Variants in CACNG2 observed in about 807,000 individuals in gnomAD.
CACNG2 encodes calcium voltage-gated channel auxiliary subunit gamma 2.
A neutral mutation model predicts 25.9 loss-of-function variants in CACNG2; 3 were observed. That is an observed-to-expected ratio of 0.12 (90% CI 0.05 to 0.30). The LOEUF (loss-of-function observed/expected upper bound fraction) is 0.30. Ranked by LOEUF, CACNG2 falls within the 10% of genes least tolerant of loss-of-function variation. The pLI, the probability that CACNG2 is intolerant of heterozygous loss-of-function variation, is 1.00. For synonymous variants in CACNG2, 167 were observed against 173.3 expected (o/e 0.96, Z 0.29); for missense variants, 341 against 432.5 (o/e 0.79, Z 1.88).
intron 1 of CACNG2, among the ~76,000 whole-genome samples, chr22:36,674,934 G>A (rs145573905): frequency 1.3e-5 from 2 of 152,356 alleles, no homozygotes; most frequent in East Asian, 3.9e-4. Flanking sequence ...AAGGATTGTT[G>A]TGAAGATTAA....
chr22:36,599,662 T>C lies in CACNG2; in HGVS notation c.212-12114A>G, dbSNP rs184107584. Reference sequence around the variant, plus strand: ...CTGCAGTGAGCCATGATCATGCTACTGCACTCCAGTTTGTGTGACAGAGGA... The same window carrying C: ...CTGCAGTGAGCCATGATCATGCTACCGCACTCCAGTTTGTGTGACAGAGGA... On this transcript the variant is annotated intron_variant, in intron 1 of 3. Coordinates refer to ENST00000300105, the MANE Select transcript of CACNG2 (RefSeq NM_006078.5). Among the ~76,000 whole-genome samples, 12 of 152,232 alleles carry C rather than the reference T, an allele frequency of 7.9e-5. No homozygotes were observed. In the East Asian group the frequency reaches 2.1e-3, roughly 27 times the overall value.
chr22:36,587,251 G>A (rs535025438), intron 2 of CACNG2, among the ~76,000 whole-genome samples: 1 of 152,288 alleles, frequency 6.6e-6, no homozygotes, highest in South Asian at 2.1e-4. Context: ...GACTGAGTAG[G>A]AGTTTGCCAG....
At chr22:36,618,353 G>A (rs1936053695) in intron 1 of CACNG2, among the ~76,000 whole-genome samples, 2 of 151,882 alleles carry the variant, frequency 1.3e-5, no homozygotes, top group South Asian at 2.1e-4. Flanking sequence ...GCCCCAGTCT[G>A]CTGCCAGGTC....
chr22:36,596,107 G>C (rs1391045136), intron 1 of CACNG2, among the ~76,000 whole-genome samples: 2 of 152,250 alleles, frequency 1.3e-5, no homozygotes, highest in African/African-American at 4.8e-5. Context: ...GAAGCTGAAA[G>C]AGCAGCTCTG....
intron 1 of CACNG2, among the ~76,000 whole-genome samples, chr22:36,657,105 G>T (rs1936718579): frequency 6.6e-6 from 1 of 152,190 alleles, no homozygotes; most frequent in African/African-American, 2.4e-5. Flanking sequence ...TAGTGGTTGG[G>T]TTGCTTCCAT....
intron 1 of CACNG2, among the ~76,000 whole-genome samples, chr22:36,684,389 G>A (rs1039221272): frequency 3.9e-5 from 6 of 152,052 alleles, no homozygotes; most frequent in African/African-American, 9.7e-5. Flanking sequence ...GCCGAGGTGG[G>A]TGGATCCCTT....
chr22:36,583,533 T>A (rs1476942515), intron 2 of CACNG2, among the ~76,000 whole-genome samples: 1 of 152,110 alleles, frequency 6.6e-6, no homozygotes, highest in East Asian at 1.9e-4. Context: ...TGGGTTGGAA[T>A]CTGCTTTTTG....
At chr22:36,592,672 G>T (rs2145925829) in intron 1 of CACNG2, among the ~76,000 whole-genome samples, 1 of 152,300 alleles carries the variant, frequency 6.6e-6, no homozygotes, top group African/African-American at 2.4e-5. Context: ...GTGATCTTTT[G>T]ATGATGAGGC....
intron 1 of CACNG2, among the ~76,000 whole-genome samples, chr22:36,653,547 C>T (rs1322781921): frequency 1.6e-5 from 2 of 126,888 alleles, no homozygotes; most frequent in Admixed American, 7.0e-5. Flanking sequence ...CAGGCACCTG[C>T]CTGGCTGCTC....
intron 1 of CACNG2, among the ~76,000 whole-genome samples, chr22:36,627,279 C>CGTGTGT (rs58015913): frequency 0.035 from 4,629 of 131,138 alleles, 106 homozygotes; most frequent in Middle Eastern, 0.094. Flanking sequence ...AGAGTGGGGA[C>CGTGTGT]GTGTGTGTGT....
chr22:36,596,116 T>G (rs1397587851), intron 1 of CACNG2, among the ~76,000 whole-genome samples: 1 of 152,256 alleles, frequency 6.6e-6, no homozygotes, highest in African/African-American at 2.4e-5. Flanking sequence ...AGAGCAGCTC[T>G]GGAGCCAGGA....
chr22:36,654,444 C>T (rs1430286285), intron 1 of CACNG2, among the ~76,000 whole-genome samples: 1 of 151,884 alleles, frequency 6.6e-6, no homozygotes, highest in African/African-American at 2.4e-5. Context: ...GTTGCACAGT[C>T]TGGTCTTGAA....
At chr22:36,619,993 G>A (rs1266028652) in intron 1 of CACNG2, among the ~76,000 whole-genome samples, 2 of 152,250 alleles carry the variant, frequency 1.3e-5, no homozygotes, top group African/African-American at 2.4e-5. Context: ...CAGCCGTGCT[G>A]GGTTGGAAGG....
intron 1 of CACNG2, among the ~76,000 whole-genome samples, chr22:36,605,637 A>G (rs947603599): frequency 2.6e-5 from 4 of 152,156 alleles, no homozygotes; most frequent in African/African-American, 9.7e-5. Flanking sequence ...TCTGTCATAG[A>G]GTTGTGAGAA....
chr22:36,584,474 G>C (rs1935468504), intron 2 of CACNG2: 1 of 152,278 alleles, frequency 6.6e-6, no homozygotes, highest in Non-Finnish European at 1.5e-5. Context: ...AGGGTGCAGA[G>C]GGCAGGGACA....
chr22:36,679,340 G>A (rs559742283), intron 1 of CACNG2, among the ~76,000 whole-genome samples: 2 of 152,046 alleles, frequency 1.3e-5, no homozygotes, highest in Non-Finnish European at 2.9e-5. Context: ...ACATGGGCAG[G>A]AGCAAATGTA....
intron 1 of CACNG2, among the ~76,000 whole-genome samples, chr22:36,589,610 C>T (rs977064763): frequency 6.6e-6 from 1 of 152,174 alleles, no homozygotes; most frequent in Non-Finnish European, 1.5e-5. Context: ...AACAATTCCC[C>T]AGACCATATC....
intron 1 of CACNG2, among the ~76,000 whole-genome samples, chr22:36,614,806 C>T (rs962431912): frequency 5.3e-5 from 8 of 152,182 alleles, no homozygotes; most frequent in Admixed American, 1.3e-4. Flanking sequence ...TGGTTTGCAA[C>T]GATCCATTTG....
intron 1 of CACNG2, among the ~76,000 whole-genome samples, chr22:36,639,725 G>A (rs768740403): frequency 5.9e-5 from 9 of 152,200 alleles, no homozygotes; most frequent in Non-Finnish European, 1.3e-4. Flanking sequence ...ATTGGGAGTT[G>A]GCAGCTGTGG....
Sources: allele counts gnomAD v4.1 joint callset (sites outside exome capture counted in the v4.1 genomes callset), GRCh38; gene constraint gnomAD v4.1.1; transcripts MANE v1.5; gene names NCBI Gene and HGNC (gene_info 2026-07-23, HGNC 2026-07-21).